The following RPS6KC1 variants were observed in gnomAD, a reference collection of about 807,000 sequenced individuals.
The protein encoded by RPS6KC1 is ribosomal protein S6 kinase C1, also known as inactive ribosomal protein S6 kinase delta-1.
In RPS6KC1, 54 loss-of-function variants were observed where a neutral mutation model predicts 103.8. That is an observed-to-expected ratio of 0.52 (90% confidence interval 0.42 to 0.65). The LOEUF is 0.65. RPS6KC1 is among the 30% of genes least tolerant of loss of function. RPS6KC1 has a pLI of 0.00. For missense variants in RPS6KC1, 1,151 were observed against 1,253.8 expected (o/e 0.92, Z 1.24); for synonymous variants, 439 against 438.7 (o/e 1.00, Z -0.01).
intron 1 of RPS6KC1, among the ~76,000 whole-genome samples, chr1:213,062,786 C>T (rs1441388549): frequency 1.3e-5 from 2 of 152,108 alleles, no homozygotes; most frequent in African/African-American, 4.8e-5. Context: ...CATTCTTGAC[C>T]TTGTGATCCG....
At chr1:213,534,555 T>G in the RPS6KC1 span, among the ~76,000 whole-genome samples, 1 of 152,326 alleles carries the variant, frequency 6.6e-6, no homozygotes, top group South Asian at 2.1e-4. Flanking sequence ...TCTGCTGGTG[T>G]GCAAACCACA....
At chr1:213,627,123 C>T in the RPS6KC1 span, among the ~76,000 whole-genome samples, 1 of 152,122 alleles carries the variant, frequency 6.6e-6, no homozygotes, top group Non-Finnish European at 1.5e-5. Context: ...TTGTGGTTCT[C>T]CTTGAAGAGG....
the RPS6KC1 span, among the ~76,000 whole-genome samples, chr1:213,279,845 C>T: frequency 1.7e-4 from 26 of 152,272 alleles, no homozygotes; most frequent in African/African-American, 6.0e-4. Flanking sequence ...GTTAGGATTA[C>T]CTGAGAATTA....
the RPS6KC1 span, among the ~76,000 whole-genome samples, chr1:213,796,420 G>A: frequency 6.6e-6 from 1 of 152,110 alleles, no homozygotes; most frequent in Non-Finnish European, 1.5e-5. Flanking sequence ...TGTCTTCAGC[G>A]AATCTTGAAT....
the RPS6KC1 span, among the ~76,000 whole-genome samples, chr1:213,452,369 G>T: frequency 6.7e-6 from 1 of 149,296 alleles, no homozygotes; most frequent in Non-Finnish European, 1.5e-5. Context: ...ACCCTATCTC[G>T]CCCTCCCCCA....
At chr1:213,254,173 A>G (rs1217863903) in intron 12 of RPS6KC1, among the ~76,000 whole-genome samples, 2 of 152,160 alleles carry the variant, frequency 1.3e-5, no homozygotes, top group African/African-American at 2.4e-5. Context: ...CATAGTTTGA[A>G]TCATTAGTAT....
At chr1:213,279,275 A>T (rs1468651672), downstream of RPS6KC1, among the ~76,000 whole-genome samples, 1 of 152,222 alleles carries the variant, frequency 6.6e-6, no homozygotes, top group East Asian at 1.9e-4. Context: ...GGTAGAATAT[A>T]AATGAGGGGG....
chr1:213,095,876 C>T (rs920698309), intron 3 of RPS6KC1, among the ~76,000 whole-genome samples: 2 of 152,232 alleles, frequency 1.3e-5, no homozygotes, highest in African/African-American at 2.4e-5. Flanking sequence ...TGCGTCTTGT[C>T]TCCATGTTGA....
intron 6 of RPS6KC1, among the ~76,000 whole-genome samples, chr1:213,146,015 C>T (rs1171794023): frequency 7.8e-5 from 10 of 128,810 alleles, no homozygotes; most frequent in Non-Finnish European, 1.3e-4. Flanking sequence ...AATCATCCCA[C>T]CTCCCTGTAA....
chr1:213,157,443 G>A (rs1049412246), intron 6 of RPS6KC1, among the ~76,000 whole-genome samples: 4 of 152,076 alleles, frequency 2.6e-5, no homozygotes, highest in Non-Finnish European at 5.9e-5. Context: ...TCCTGACCTT[G>A]TGATCTGCCC....
At chr1:213,373,820 A>G in the RPS6KC1 span, among the ~76,000 whole-genome samples, 2 of 152,356 alleles carry the variant, frequency 1.3e-5, no homozygotes, top group East Asian at 3.9e-4. Context: ...ACGATGCCCT[A>G]TCACATCCTC....
chr1:213,472,611 T>G, the RPS6KC1 span, among the ~76,000 whole-genome samples: 1 of 152,186 alleles, frequency 6.6e-6, no homozygotes, highest in Admixed American at 6.5e-5. Flanking sequence ...AAATGGAAAC[T>G]CTACTATGCT....
At chr1:213,177,080 A>G (rs2091923265) in intron 8 of RPS6KC1, among the ~76,000 whole-genome samples, 1 of 152,178 alleles carries the variant, frequency 6.6e-6, no homozygotes, top group Admixed American at 6.5e-5. Flanking sequence ...TTTCTAGTAC[A>G]CTAACCCCTC....
chr1:213,160,362 T>G (rs908912581), intron 6 of RPS6KC1, among the ~76,000 whole-genome samples: 1 of 152,252 alleles, frequency 6.6e-6, no homozygotes, highest in Non-Finnish European at 1.5e-5. Context: ...GTGCTGTATT[T>G]TCCTCATGTT....
the RPS6KC1 span, among the ~76,000 whole-genome samples, chr1:213,461,451 C>T: frequency 2.0e-4 from 31 of 151,968 alleles, no homozygotes; most frequent in African/African-American, 7.0e-4. Flanking sequence ...TCATATGGAA[C>T]CGAAAAGCCC....
chr1:213,842,319 G>A, the RPS6KC1 span: 1 of 152,122 alleles, frequency 6.6e-6, no homozygotes, highest in African/African-American at 2.4e-5. Flanking sequence ...TGTAGGTTGA[G>A]TCCATTCATG....
At chr1:213,336,438 G>A in the RPS6KC1 span, among the ~76,000 whole-genome samples, 1 of 152,200 alleles carries the variant, frequency 6.6e-6, no homozygotes, top group Admixed American at 6.5e-5. Flanking sequence ...GGTGCAGAGA[G>A]GCTGCTCAGT....
the RPS6KC1 span, among the ~76,000 whole-genome samples, chr1:213,707,850 G>T: frequency 1.3e-5 from 2 of 152,302 alleles, no homozygotes; most frequent in South Asian, 4.1e-4. Flanking sequence ...TCAGATGGTT[G>T]TAGATGTGTG....
At position 213,117,391 on chromosome 1, in the gene RPS6KC1, T is replaced by G; in HGVS notation, c.453T>G (p.Phe151Leu). 1 of 1,604,774 alleles carries G rather than the reference T, an allele frequency of 6.2e-7. No homozygotes were observed. The highest frequency in any genetic ancestry group is 2.2e-5 in the East Asian group (1 of 44,768). Residue 151 changes from phenylalanine to leucine, a missense_variant, in exon 5 of 15, where the codon TTT (phenylalanine) becomes TTG (leucine). Coordinates refer to ENST00000366960, the MANE Select transcript of RPS6KC1 (RefSeq NM_012424.6). ...ACTCAGATTCCCTCATTGATACCTT[T>G]CCTGAGTGTAGTACGGAAGGTAAGA... is the stretch of plus-strand genomic sequence containing the variant. ...EAHSDSLIDT[F>L]PECSTEGFSS...
Sources: allele counts gnomAD v4.1 joint callset (sites outside exome capture counted in the v4.1 genomes callset), GRCh38; gene constraint gnomAD v4.1.1; transcripts MANE v1.5; gene names NCBI Gene and HGNC (gene_info 2026-07-23, HGNC 2026-07-21).